The following PPP1R13B variants were observed in gnomAD, a reference collection of about 807,000 sequenced individuals.
PPP1R13B encodes the protein apoptosis-stimulating of p53 protein 1.
PPP1R13B carries 44 observed loss-of-function variants against 119.8 expected under a neutral mutation model. The ratio of observed to expected loss-of-function variants is 0.37; its 90% CI spans 0.29 to 0.47. PPP1R13B has a LOEUF of 0.47. Ranked by LOEUF, PPP1R13B falls within the 20% of genes least tolerant of loss-of-function variation. PPP1R13B has a pLI of 0.99. For missense variants in PPP1R13B, 1,227 were observed against 1,413.5 expected (o/e 0.87, Z 2.12); for synonymous variants, 542 against 561.5 (o/e 0.97, Z 0.49).
At chr14:103,744,756 T>TA (rs768695282) in intron 9 of PPP1R13B, among the ~76,000 whole-genome samples, 45 of 152,184 alleles carry the variant, frequency 3.0e-4, no homozygotes, top group Non-Finnish European at 4.4e-4. Context: ...AGCAAGGGAT[T>TA]AGAGTCCCTG....
chr14:103,733,627 G>A lies in PPP1R13B; in HGVS notation c.*1527C>T, dbSNP rs1174370357. ...TATTAAGATGACTGTACAGCAATTT[G>A]TATATAAAGCTTATGATTAAAAACT... On this transcript the variant is annotated 3_prime_UTR_variant, in exon 17 of 17. Transcript: ENST00000202556. 2.0e-5 allele frequency: 3 copies of A among 152,794 alleles called. No individual in the cohort carries two copies. Among genetic ancestry groups the A allele is most frequent in the African/African-American group, 7.2e-5 (3 of 41,452 alleles). 9.5% of individuals were successfully genotyped at this position (152,794 alleles called of 1,614,324 possible). A position where few individuals can be genotyped will look rare whatever the true frequency, so the allele number is the denominator to read the frequency against.
chr14:103,818,468 T>C (rs1567147834), intron 1 of PPP1R13B: 8 of 975,024 alleles, frequency 8.2e-6, no homozygotes, highest in Non-Finnish European at 8.5e-6. Flanking sequence ...TCAATGTTAA[T>C]ATTGTCAGGT....
intron 2 of PPP1R13B, among the ~76,000 whole-genome samples, chr14:103,786,118 C>T (rs959374350): frequency 6.6e-6 from 1 of 152,208 alleles, no homozygotes; most frequent in African/African-American, 2.4e-5. Flanking sequence ...CAGTTCACTG[C>T]AACCTCCACC....
At chr14:103,766,049 C>T (rs2084932238) in intron 4 of PPP1R13B, among the ~76,000 whole-genome samples, 1 of 150,596 alleles carries the variant, frequency 6.6e-6, no homozygotes, top group African/African-American at 2.4e-5. Context: ...AGCTCTGTCG[C>T]CCAGGCTTGA....
intron 2 of PPP1R13B, among the ~76,000 whole-genome samples, chr14:103,796,092 G>A (rs1291031483): frequency 6.6e-6 from 1 of 152,112 alleles, no homozygotes; most frequent in Non-Finnish European, 1.5e-5. Context: ...AGGAGTTTGA[G>A]ACCACCCTGG....
chr14:103,805,273 CAAA>C (rs2085990650), intron 1 of PPP1R13B, among the ~76,000 whole-genome samples: 1 of 151,744 alleles, frequency 6.6e-6, no homozygotes, highest in South Asian at 2.1e-4. Context: ...TCATAGTAGC[CAAA>C]AAGAAGAAAC....
Position 103,735,132 on chromosome 14 carries a change from ATGCGG to A in PPP1R13B, c.*17_*21del. On this transcript the variant is annotated 3_prime_UTR_variant, in exon 17 of 17. Transcript: ENST00000202556. ...GTGGCTCCTGGTAGCTGGCAAGACC[ATGCGG>A]TGCTCCAAAAGGAAGTTCAGGCGAG... 6.2e-7 allele frequency: 1 copy of A among 1,614,032 alleles called. No homozygotes were observed. Among genetic ancestry groups the A allele is most frequent in the East Asian group, 2.2e-5 (1 of 44,882 alleles).
chr14:103,786,683 T>G (rs1458498099), intron 2 of PPP1R13B, among the ~76,000 whole-genome samples: 1 of 147,180 alleles, frequency 6.8e-6, no homozygotes, highest in East Asian at 2.0e-4. Context: ...AAGAATCACT[T>G]GAACCTAGGA....
chr14:103,824,689 C>T (rs1221223854), intron 1 of PPP1R13B, among the ~76,000 whole-genome samples: 2 of 148,440 alleles, frequency 1.3e-5, no homozygotes, highest in African/African-American at 2.5e-5. Context: ...AGCGAGACTC[C>T]GCCTCAAAAA....
At chr14:103,739,762 C>G in intron 12 of PPP1R13B, 62 bp downstream of exon 12, 1 of 1,503,314 alleles carries the variant, frequency 6.7e-7, no homozygotes, top group South Asian at 1.3e-5. Context: ...GGAAGGACCC[C>G]AGAGGTCCTG....
chr14:103,809,289 A>G (rs1367681652), intron 1 of PPP1R13B, among the ~76,000 whole-genome samples: 3 of 152,350 alleles, frequency 2.0e-5, no homozygotes, highest in Non-Finnish European at 2.9e-5. Flanking sequence ...ATTTTAAATT[A>G]CATTATACAG....
chr14:103,754,274 A>G, intron 5 of PPP1R13B, 30 bp from the exon 6 acceptor site: 1 of 1,594,760 alleles, frequency 6.3e-7, no homozygotes. Context: ...TGTAACTTTG[A>G]AAATTGAAGG....
chr14:103,830,567 T>C (rs184598134), intron 1 of PPP1R13B, among the ~76,000 whole-genome samples: 61 of 152,326 alleles, frequency 4.0e-4, no homozygotes, highest in Non-Finnish European at 7.2e-4. Flanking sequence ...CAAACCCAGA[T>C]AGTCTGTTCC....
chr14:103,826,057 T>C (rs565511658), intron 1 of PPP1R13B, among the ~76,000 whole-genome samples: 123 of 152,184 alleles, frequency 8.1e-4, no homozygotes, highest in Admixed American at 1.6e-3. Context: ...TTTGTATTTT[T>C]AGTAGAGACA....
chr14:103,756,152 T>C lies in PPP1R13B; in HGVS notation c.456+1498A>G, dbSNP rs202179911. ...CTCTGTCACCCAGGCTGCAGTGCAA[T>C]GGCGCGATCTCAGCTCACTGCAACC... is the stretch of plus-strand genomic sequence containing the variant. On this transcript the variant is annotated intron_variant, in intron 5 of 16. Transcript: ENST00000202556. Among the ~76,000 whole-genome samples the C allele has an allele frequency of 4.6e-5, 7 of 152,096 alleles. No homozygotes were observed. The East Asian group carries it at 1.4e-3, about 29-fold the overall frequency.
Position 103,784,823 on chromosome 14 carries a change from C to T in PPP1R13B, c.249G>A (p.Glu83=), listed in dbSNP as rs2085418963. Residue 83 remains glutamate (E), a synonymous_variant, in exon 3 of 17, where the codon GAG becomes GAA. Transcript: ENST00000202556. ...GTTCACTGTTCTCAGTTGGGGAGTC[C>T]TCGTGTCGAAGGAAAAATTTCACTT... ...REEVKFFLRH[E]DSPTENSEQG... is the part of the protein sequence containing the mutation. 1.2e-6 allele frequency: 2 copies of T among 1,609,174 alleles called. No homozygotes were observed. Among genetic ancestry groups the T allele is most frequent in the East Asian group, 4.5e-5 (2 of 44,756 alleles).
intron 1 of PPP1R13B, among the ~76,000 whole-genome samples, chr14:103,807,454 G>A (rs1219034941): frequency 6.6e-6 from 1 of 152,118 alleles, no homozygotes; most frequent in Non-Finnish European, 1.5e-5. Context: ...AGCAGTGCCT[G>A]GCACGTAAGA....
intron 1 of PPP1R13B, among the ~76,000 whole-genome samples, chr14:103,810,623 T>G (rs1185291874): frequency 6.6e-6 from 1 of 151,082 alleles, no homozygotes; most frequent in Non-Finnish European, 1.5e-5. Flanking sequence ...ATACAAAACA[T>G]TAGCTGGGCG....
intron 2 of PPP1R13B, among the ~76,000 whole-genome samples, chr14:103,790,264 A>T (rs2085584327): frequency 6.6e-6 from 1 of 151,534 alleles, no homozygotes; most frequent in Non-Finnish European, 1.5e-5. Context: ...AAAAAAAGAA[A>T]TGAAAACATG....
Sources: allele counts gnomAD v4.1 joint callset (sites outside exome capture counted in the v4.1 genomes callset), GRCh38; gene constraint gnomAD v4.1.1; transcripts MANE v1.5; gene names NCBI Gene and HGNC (gene_info 2026-07-23, HGNC 2026-07-21).